The following MAPK8 variants were observed in gnomAD, a reference collection of about 807,000 sequenced individuals.
MAPK8 encodes mitogen-activated protein kinase 8.
A neutral mutation model predicts 52.9 loss-of-function variants in MAPK8; 13 were observed. That is an observed-to-expected ratio of 0.25 (90% CI 0.16 to 0.39). The LOEUF is 0.39. Among genes scored for constraint, MAPK8 ranks in the 10% least tolerant of loss-of-function variants. The pLI, the probability that MAPK8 is intolerant of heterozygous loss-of-function variation, is 1.00. For missense variants in MAPK8, 300 were observed against 519.2 expected (o/e 0.58, Z 4.10); for synonymous variants, 191 against 169.8 (o/e 1.12, Z -0.97).
intron 10 of MAPK8, among the ~76,000 whole-genome samples, chr10:48,428,813 T>A (rs1188266666): frequency 1.3e-5 from 2 of 152,052 alleles, no homozygotes; most frequent in Admixed American, 6.6e-5. Context: ...TTTTTTTGGT[T>A]GTTTTTTTTG....
At chr10:48,375,718 A>G (rs923200058) in intron 1 of MAPK8, among the ~76,000 whole-genome samples, 1 of 152,220 alleles carries the variant, frequency 6.6e-6, no homozygotes, top group Non-Finnish European at 1.5e-5. Context: ...ACTACAAAAC[A>G]TTGCTCAAGG....
At chr10:48,372,855 G>C (rs1046291606) in intron 1 of MAPK8, among the ~76,000 whole-genome samples, 2 of 151,950 alleles carry the variant, frequency 1.3e-5, no homozygotes, top group Non-Finnish European at 2.9e-5. Context: ...AGGCAGGCCA[G>C]CAACATTCAA....
rs184348116 is a variant in MAPK8 at position 48,327,733 on chromosome 10, G to A, written c.-50+20912G>A. On this transcript the variant is annotated intron_variant, in intron 1 of 11. Coordinates refer to ENST00000374189, the MANE Select transcript of MAPK8 (RefSeq NM_001323329.2). Reference sequence around the variant, plus strand: ...AGGCCTGGTGTTTTCTGTTTTAAAAGGTTAATAACTGTTGATTCAATTTTC... The same window carrying A: ...AGGCCTGGTGTTTTCTGTTTTAAAAAGTTAATAACTGTTGATTCAATTTTC... Among the ~76,000 whole-genome samples the A allele has an allele frequency of 2.4e-3, 366 of 152,226 alleles. 1 individual carries two copies. The highest frequency in any genetic ancestry group is 4.0e-3 in the Non-Finnish European group (275 of 68,014).
chr10:48,356,899 C>CA (rs201368039), intron 1 of MAPK8, among the ~76,000 whole-genome samples: 2,284 of 47,250 alleles, frequency 0.048, 105 homozygotes, highest in African/African-American at 0.12. Flanking sequence ...CGTAGTTTAC[C>CA]AAAAAAAAAA....
intron 5 of MAPK8, among the ~76,000 whole-genome samples, chr10:48,413,770 A>G (rs1247340680): frequency 7.3e-6 from 1 of 136,316 alleles, no homozygotes; most frequent in Non-Finnish European, 1.5e-5. Context: ...CAAATTGGGA[A>G]TTGAATATTA....
At chr10:48,418,386 C>T (rs546598893) in intron 5 of MAPK8, among the ~76,000 whole-genome samples, 5 of 152,246 alleles carry the variant, frequency 3.3e-5, no homozygotes, top group South Asian at 2.1e-4. Flanking sequence ...TGGCTTAGCA[C>T]GACTCAGGCT....
chr10:48,411,916 C>G (rs1008036631), intron 5 of MAPK8, among the ~76,000 whole-genome samples: 6 of 148,560 alleles, frequency 4.0e-5, no homozygotes, highest in African/African-American at 1.2e-4. Flanking sequence ...CCATTCTCAG[C>G]TCACTGCAAC....
At chr10:48,308,570 A>G (rs140158027) in intron 1 of MAPK8, among the ~76,000 whole-genome samples, 5 of 152,248 alleles carry the variant, frequency 3.3e-5, no homozygotes, top group African/African-American at 1.2e-4. Flanking sequence ...GTTTCTGTGT[A>G]TGTGCTAGTT....
chr10:48,423,142 G>T (rs923142764), intron 6 of MAPK8, among the ~76,000 whole-genome samples: 3 of 152,142 alleles, frequency 2.0e-5, no homozygotes, highest in Non-Finnish European at 4.4e-5. Flanking sequence ...GGCATAAAAT[G>T]CCACGATGTG....
intron 1 of MAPK8, among the ~76,000 whole-genome samples, chr10:48,367,229 G>A (rs549262083): frequency 2.6e-5 from 4 of 152,174 alleles, no homozygotes; most frequent in South Asian, 2.1e-4. Context: ...AAGCAAGCTT[G>A]GTGGTACACG....
At chr10:48,375,899 A>T (rs531029557) in intron 1 of MAPK8, among the ~76,000 whole-genome samples, 2 of 152,236 alleles carry the variant, frequency 1.3e-5, no homozygotes, top group Non-Finnish European at 2.9e-5. Context: ...TTTAAATTTC[A>T]TATGGAACCA....
intron 5 of MAPK8, among the ~76,000 whole-genome samples, chr10:48,417,499 C>G (rs532399447): frequency 6.6e-6 from 1 of 152,312 alleles, no homozygotes; most frequent in African/African-American, 2.4e-5. Flanking sequence ...TTATTGTTTA[C>G]TTGGGTCTGC....
chr10:48,411,562 C>T (rs2042747592), intron 5 of MAPK8, among the ~76,000 whole-genome samples: 1 of 152,092 alleles, frequency 6.6e-6, no homozygotes, highest in Admixed American at 6.5e-5. Flanking sequence ...ATCAATTCTC[C>T]AGCTTTATTC....
intron 1 of MAPK8, among the ~76,000 whole-genome samples, chr10:48,320,657 A>G (rs1301351058): frequency 6.6e-6 from 1 of 152,182 alleles, no homozygotes; most frequent in African/African-American, 2.4e-5. Context: ...AGTAAGTAAT[A>G]TAGTACACAA....
chr10:48,364,861 G>A, intron 1 of MAPK8, among the ~76,000 whole-genome samples: 1 of 152,060 alleles, frequency 6.6e-6, no homozygotes, highest in East Asian at 1.9e-4. Flanking sequence ...AAATATTCTT[G>A]CCAAGCTAGA....
Position 48,436,374 on chromosome 10 carries a change from A to G in MAPK8, c.*1345A>G, listed in dbSNP as rs2044852227. On this transcript the variant is annotated 3_prime_UTR_variant, in exon 12 of 12. Coordinates refer to ENST00000374189, the MANE Select transcript of MAPK8 (RefSeq NM_001323329.2). The stretch of plus-strand genomic sequence containing the variant: ...TTAACTGTTTACATTTTCTATCTGT[A>G]GAATTATTTCTCTATTACTGAACTT... 1 of 152,232 alleles carries G rather than the reference A, an allele frequency of 6.6e-6. No individual in the cohort carries two copies. Among genetic ancestry groups the G allele is most frequent in the Admixed American group, 6.5e-5 (1 of 15,282 alleles). The allele number at this position is 152,232 out of a possible 1,614,324, so 9.4% of individuals were successfully genotyped here.
At chr10:48,339,924 A>G (rs1845084379) in intron 1 of MAPK8, among the ~76,000 whole-genome samples, 1 of 152,218 alleles carries the variant, frequency 6.6e-6, no homozygotes, top group Non-Finnish European at 1.5e-5. Context: ...GGATGCAGAG[A>G]AAAGGGAACG....
At chr10:48,362,056 A>G (rs1305585760) in intron 1 of MAPK8, among the ~76,000 whole-genome samples, 2 of 152,150 alleles carry the variant, frequency 1.3e-5, no homozygotes, top group African/African-American at 2.4e-5. Context: ...GTGGTTTGCC[A>G]GTGGTCTGTG....
chr10:48,322,473 C>T (rs184527346), intron 1 of MAPK8, among the ~76,000 whole-genome samples: 1 of 152,272 alleles, frequency 6.6e-6, no homozygotes, highest in South Asian at 2.1e-4. Context: ...AAGCTAGTGG[C>T]ACTAGCAATC....
Sources: allele counts gnomAD v4.1 joint callset (sites outside exome capture counted in the v4.1 genomes callset), GRCh38; gene constraint gnomAD v4.1.1; transcripts MANE v1.5; gene names NCBI Gene and HGNC (gene_info 2026-07-23, HGNC 2026-07-21).